The following UBA52 variants were observed in gnomAD, a reference collection of about 807,000 sequenced individuals.
The protein encoded by UBA52 is ubiquitin-ribosomal protein eL40 fusion protein.
Under a neutral mutation model 15.3 loss-of-function variants are expected in UBA52, and 1 was observed. That is an observed-to-expected ratio of 0.07 (90% confidence interval 0.02 to 0.31). The LOEUF is 0.31. UBA52 is among the 10% of genes least tolerant of loss of function. The pLI, the probability that UBA52 is intolerant of heterozygous loss-of-function variation, is 1.00. For synonymous variants in UBA52, 50 were observed against 58.3 expected (o/e 0.86, Z 0.65); for missense variants, 87 against 168.0 (o/e 0.52, Z 2.66).
intron 3 of UBA52, among the ~76,000 whole-genome samples, chr19:18,574,081 T>G (rs948245583): frequency 6.6e-6 from 1 of 151,840 alleles, no homozygotes; most frequent in African/African-American, 2.4e-5. Flanking sequence ...GTCAAGAGAT[T>G]GAGATCATCA....
At chr19:18,564,914 C>T in the UBA52 span, 1 of 1,613,800 alleles carries the variant, frequency 6.2e-7, no homozygotes, top group South Asian at 1.1e-5. Flanking sequence ...TCAACTTCAA[C>T]AACCTGTCCA....
upstream of UBA52, chr19:18,567,049 TG>T: frequency 7.6e-7 from 1 of 1,318,208 alleles, no homozygotes; most frequent in Non-Finnish European, 1.1e-6. Context: ...TGCCCTCAGC[TG>T]GCAGCAGGGG....
upstream of UBA52, chr19:18,568,781 G>A: frequency 1.6e-6 from 1 of 621,606 alleles, no homozygotes; most frequent in Non-Finnish European, 2.8e-6. Flanking sequence ...CTCCCGAGGG[G>A]TGTGGAATTC....
the UBA52 span, chr19:18,564,848 A>G: frequency 3.3e-5 from 54 of 1,612,810 alleles, 1 homozygote; most frequent in South Asian, 5.7e-4. Context: ...AGTGAAGCTC[A>G]TGCCCTCTCT....
rs772923835 is a variant in UBA52, at chr19:18,573,696, C to T, written c.138C>T (p.Ala46=). 5.5e-5 allele frequency: 89 copies of T among 1,614,008 alleles called. No homozygotes were observed. The highest frequency in any genetic ancestry group is 2.2e-4 in the Admixed American group (13 of 59,986). Residue 46 remains alanine, a synonymous_variant, in exon 3 of 5, where the codon GCC becomes GCT. Coordinates refer to ENST00000442744, the MANE Select transcript of UBA52 (RefSeq NM_001033930.3). ...IPPDQQRLIF[A]GKQLEDGRTL... is the part of the protein sequence containing the mutation. ...CTGACCAGCAGCGTCTGATATTTGC[C>T]GGCAAACAGCTGGAGGATGGCCGCA...
chr19:18,573,523 T>C, intron 2 of UBA52, 120 bp downstream of exon 2: 1 of 1,291,884 alleles, frequency 7.7e-7, no homozygotes, highest in Admixed American at 1.9e-5. Context: ...TGCTTCTCCA[T>C]GTGATCTGAA....
intron 1 of UBA52, chr19:18,572,638 G>T: frequency 3.3e-5 from 9 of 272,588 alleles, no homozygotes; most frequent in Non-Finnish European, 4.5e-5. Flanking sequence ...TCGATTCTTT[G>T]TCTTTTTAAG....
At chr19:18,568,908 G>A, upstream of UBA52, 1 of 475,868 alleles carries the variant, frequency 2.1e-6, no homozygotes, top group Non-Finnish European at 3.8e-6. Flanking sequence ...TGGGCACAGG[G>A]GAATTTTTCC....
chr19:18,564,806 G>A, the UBA52 span: 1 of 1,587,188 alleles, frequency 6.3e-7, no homozygotes. Flanking sequence ...ACAGTCTTCT[G>A]GGCCAGGTTG....
rs1975793695 is a variant in UBA52 at position 18,576,635 on chromosome 19, T to G, written c.*1485T>G. On this transcript the variant is annotated 3_prime_UTR_variant, in exon 5 of 5. Transcript: ENST00000442744. ...CTTCAAACTCCTGAACTTAAAAGCC[T>G]CCTGTTTAGTTTTGGTTTTTTATCA... 1.3e-5 allele frequency: 2 copies of G among 151,352 alleles called. No homozygotes were observed. Among genetic ancestry groups the G allele is most frequent in the African/African-American group, 2.4e-5 (1 of 41,070 alleles). 9.4% of individuals were successfully genotyped at this position (151,352 alleles called of 1,614,324 possible).
Position 18,575,220 on chromosome 19 carries a change from CT to C in UBA52, c.*73del. 1 of 1,568,072 alleles carries C rather than the reference CT, an allele frequency of 6.4e-7. No individual in the cohort carries two copies. On this transcript the variant is annotated 3_prime_UTR_variant, in exon 5 of 5. Coordinates refer to ENST00000442744, the MANE Select transcript of UBA52 (RefSeq NM_001033930.3). ...GCCCTGGAGCCTCAATAAAGTGTCC[CT>C]TTCATTGACTGGAGCAGCAATTGGT...
chr19:18,566,035 T>G, the UBA52 span, among the ~76,000 whole-genome samples: 2 of 152,112 alleles, frequency 1.3e-5, no homozygotes, highest in African/African-American at 4.8e-5. Flanking sequence ...TTCCCCATGT[T>G]GGCCAGGCTC....
Position 18,575,093 on chromosome 19 carries a change from C to T in UBA52, c.330C>T (p.Cys110=), listed in dbSNP as rs1975723454. Residue 110 remains cysteine (C), a synonymous_variant, in exon 5 of 5, where the codon TGC becomes TGT. Transcript: ENST00000442744. ...YARLHPRAVN[C]RKKKCGHTNN... ...GCCTTCACCCTCGTGCTGTCAACTG[C>T]CGCAAGAAGAAGTGTGGTCACACCA... 6.2e-7 allele frequency: 1 copy of T among 1,614,242 alleles called. No homozygotes were observed. Among genetic ancestry groups the T allele is most frequent in the Non-Finnish European group, 8.5e-7 (1 of 1,180,040 alleles).
upstream of UBA52, chr19:18,568,382 C>T (rs545570965): frequency 8.2e-6 from 13 of 1,593,656 alleles, no homozygotes; most frequent in African/African-American, 1.1e-4. Flanking sequence ...AAAACCAACT[C>T]TTGGGCCTCC....
At chr19:18,570,077 G>A (rs192580100), upstream of UBA52, among the ~76,000 whole-genome samples, 38 of 152,272 alleles carry the variant, frequency 2.5e-4, no homozygotes, top group East Asian at 3.3e-3. Context: ...CTTCCCAGAC[G>A]TGAGAGTGTC....
chr19:18,566,658 T>A, the UBA52 span, among the ~76,000 whole-genome samples: 6 of 151,862 alleles, frequency 4.0e-5, no homozygotes, highest in African/African-American at 1.5e-4. Context: ...CTGAGCATGG[T>A]GGCACGTGCC....
upstream of UBA52, among the ~76,000 whole-genome samples, chr19:18,568,085 T>C (rs894788075): frequency 2.0e-5 from 3 of 151,970 alleles, no homozygotes; most frequent in African/African-American, 7.3e-5. Context: ...CTGACCAACA[T>C]AGAGAAACCC....
the UBA52 span, among the ~76,000 whole-genome samples, chr19:18,566,088 C>T: frequency 6.6e-6 from 1 of 152,294 alleles, no homozygotes; most frequent in Admixed American, 6.5e-5. Flanking sequence ...ACCTCGACCT[C>T]CCAAAGTGCT....
chr19:18,573,542 G>A, intron 2 of UBA52, 120 bp from the exon 3 acceptor site: 1 of 1,323,788 alleles, frequency 7.6e-7, no homozygotes, highest in Middle Eastern at 1.8e-4. Flanking sequence ...AAGAACGTTT[G>A]TTATCTTCTA....
Sources: allele counts gnomAD v4.1 joint callset (sites outside exome capture counted in the v4.1 genomes callset), GRCh38; gene constraint gnomAD v4.1.1; transcripts MANE v1.5; gene names NCBI Gene and HGNC (gene_info 2026-07-23, HGNC 2026-07-21).